DLC1: variants seen among roughly 807,000 people sequenced by gnomAD.
The protein encoded by DLC1 is rho GTPase-activating protein 7.
DLC1 carries 54 observed loss-of-function variants against 140.3 expected under a neutral mutation model. The ratio of observed to expected loss-of-function variants is 0.38; its 90% CI spans 0.31 to 0.48. The LOEUF (loss-of-function observed/expected upper bound fraction) is 0.48, where lower values mean the gene tolerates loss of function less well. Among genes scored for constraint, DLC1 ranks in the 20% least tolerant of loss-of-function variants. The pLI is 0.96. For synonymous variants in DLC1, 986 were observed against 728.1 expected (o/e 1.35, Z -5.70); for missense variants, 2,536 against 1,907.0 (o/e 1.33, Z -6.14).
intron 1 of DLC1, among the ~76,000 whole-genome samples, chr8:13,509,707 G>C (rs1802266710): frequency 6.6e-6 from 1 of 152,070 alleles, no homozygotes; most frequent in Non-Finnish European, 1.5e-5. Flanking sequence ...AATTTGATAG[G>C]GAAGAATTTT....
intron 1 of DLC1, among the ~76,000 whole-genome samples, chr8:13,577,341 C>A (rs765262776): frequency 2.0e-5 from 3 of 152,040 alleles, no homozygotes; most frequent in Non-Finnish European, 4.4e-5. Context: ...GCTTATTATG[C>A]GATGGGTCAG....
chr8:13,359,043 A>G (rs1406129374), intron 4 of DLC1, among the ~76,000 whole-genome samples: 2 of 152,116 alleles, frequency 1.3e-5, no homozygotes, highest in Admixed American at 6.5e-5. Context: ...GGTTCACGCC[A>G]TTCTCCTGCC....
At chr8:13,173,388 T>TA (rs1825591287) in intron 5 of DLC1, among the ~76,000 whole-genome samples, 1 of 148,608 alleles carries the variant, frequency 6.7e-6, no homozygotes, top group Non-Finnish European at 1.5e-5. Flanking sequence ...TTTTTTTTTT[T>TA]TTGAGACGGA....
chr8:13,559,790 G>A (rs1325932990), intron 1 of DLC1, among the ~76,000 whole-genome samples: 2 of 152,068 alleles, frequency 1.3e-5, no homozygotes, highest in African/African-American at 4.8e-5. Context: ...ACATTTCTGT[G>A]TTCGTTTTAT....
chr8:13,457,474 C>T (rs532343252), intron 2 of DLC1, among the ~76,000 whole-genome samples: 41 of 151,906 alleles, frequency 2.7e-4, no homozygotes, highest in African/African-American at 9.4e-4. Flanking sequence ...GTCAAGAAAT[C>T]AAGACCATCC....
Position 13,099,585 on chromosome 8 carries a change from G to C in DLC1, c.2752C>G (p.Arg918Gly). ...DILYHVKGMQ[R>G]IVNQWSEKFS... ...TTCTCCGACCACTGATTGACTATCC[G>C]CTGCATCCCCTTCACGTGGTAGAGG... is the stretch of plus-strand genomic sequence containing the variant. The change falls in exon 9 of 18, where the codon CGG becomes GGG. Residue 918 changes from arginine to glycine, a missense_variant. Coordinates refer to ENST00000276297, the MANE Select transcript of DLC1 (RefSeq NM_182643.3). 1 of 1,614,182 alleles carries C rather than the reference G, an allele frequency of 6.2e-7. No homozygotes were observed. Among genetic ancestry groups the C allele is most frequent in the Non-Finnish European group, 8.5e-7 (1 of 1,180,024 alleles).
At chr8:13,129,465 C>T (rs1055295351) in intron 5 of DLC1, among the ~76,000 whole-genome samples, 3 of 152,182 alleles carry the variant, frequency 2.0e-5, no homozygotes, top group African/African-American at 2.4e-5. Context: ...TCTTGAATGA[C>T]GTACAGATTA....
intron 4 of DLC1, among the ~76,000 whole-genome samples, chr8:13,383,393 A>T (rs902972637): frequency 5.9e-5 from 9 of 152,122 alleles, no homozygotes; most frequent in African/African-American, 9.7e-5. Context: ...ACTATACCGG[A>T]GGGGCTGTGC....
intron 1 of DLC1, among the ~76,000 whole-genome samples, chr8:13,530,907 G>T (rs1015862841): frequency 1.3e-5 from 2 of 152,146 alleles, no homozygotes; most frequent in African/African-American, 4.8e-5. Context: ...GAGCTAAATT[G>T]TGTTCCCTGC....
intron 5 of DLC1, among the ~76,000 whole-genome samples, chr8:13,174,067 C>T (rs1179971537): frequency 6.6e-6 from 1 of 152,100 alleles, no homozygotes; most frequent in Non-Finnish European, 1.5e-5. Context: ...TTTACGTCCA[C>T]ATGTACCCAA....
At chr8:13,419,461 G>C (rs769095999) in intron 2 of DLC1, among the ~76,000 whole-genome samples, 3 of 152,232 alleles carry the variant, frequency 2.0e-5, no homozygotes, top group East Asian at 3.9e-4. Flanking sequence ...TTCTGCATAT[G>C]TTGAGATAAT....
chr8:13,540,067 G>C (rs982167908), intron 1 of DLC1, among the ~76,000 whole-genome samples: 1 of 152,112 alleles, frequency 6.6e-6, no homozygotes, highest in Non-Finnish European at 1.5e-5. Context: ...AAACCTAGTC[G>C]CAAAAGACTT....
intron 4 of DLC1, among the ~76,000 whole-genome samples, chr8:13,372,540 T>C (rs1835773897): frequency 6.6e-6 from 1 of 152,186 alleles, no homozygotes; most frequent in Non-Finnish European, 1.5e-5. Context: ...TTTAAGTGTT[T>C]GCATTCATCA....
In DLC1 at chr8:13,497,348, A is replaced by G. The variant is rs570061585; in HGVS notation, c.1023+1701T>C. Among the ~76,000 whole-genome samples, 5 of 152,336 alleles carry G rather than the reference A, an allele frequency of 3.3e-5. No homozygotes were observed. The East Asian group carries it at 7.7e-4, about 23-fold the overall frequency. On this transcript the variant is annotated intron_variant, in intron 2 of 17. Transcript: ENST00000276297. ...TCACATAATTGTAGTTTTCTAGGAT[A>G]AATTCCCAACCTAAAAGTTTTCATT...
intron 5 of DLC1, among the ~76,000 whole-genome samples, chr8:13,124,095 T>C (rs925452891): frequency 6.6e-6 from 1 of 152,246 alleles, no homozygotes; most frequent in Non-Finnish European, 1.5e-5. Context: ...TGCTGTGTTA[T>C]ATACCAATGT....
chr8:13,552,305 A>C (rs999996886), intron 1 of DLC1, among the ~76,000 whole-genome samples: 2 of 149,530 alleles, frequency 1.3e-5, no homozygotes, highest in African/African-American at 4.9e-5. Context: ...AATAATTCTA[A>C]AGGAAGCATA....
chr8:13,396,799 T>C (rs1837062426), intron 3 of DLC1, among the ~76,000 whole-genome samples: 1 of 152,178 alleles, frequency 6.6e-6, no homozygotes, highest in Non-Finnish European at 1.5e-5. Context: ...CTGTTCAATT[T>C]GAGAAATTAC....
In DLC1 at chr8:13,090,385, C is replaced by T. The variant is rs1189200734; in HGVS notation, c.3941G>A (p.Gly1314Asp). The change falls in exon 15 of 18, where the codon GGT becomes GAT. Residue 1314 changes from glycine to aspartate, a missense_variant. Physicochemically the swap from Gly to Asp is moderately conservative, Grantham distance 94. Coordinates refer to ENST00000276297, the MANE Select transcript of DLC1 (RefSeq NM_182643.3). The part of the protein sequence containing the change: ...PLTLEALGHL[G>D]NDDSADYQHF... ...TTGGTAGTCAGCTGAGTCATCATTA[C>T]CCAGGTGCCCGAGTGCTTCCAGAGT... is the stretch of plus-strand genomic sequence containing the variant. 4 of 1,614,200 alleles carry T rather than the reference C, an allele frequency of 2.5e-6. No individual in the cohort carries two copies. The South Asian group carries it at 3.3e-5, about 13-fold the overall frequency.
chr8:13,600,476 A>G (rs1477319334), intron 1 of DLC1, among the ~76,000 whole-genome samples: 1 of 151,886 alleles, frequency 6.6e-6, no homozygotes, highest in East Asian at 1.9e-4. Flanking sequence ...AGGAAACTTT[A>G]AAATAATGCA....
Sources: gnomAD v4.1 joint callset for allele counts (sites outside exome capture counted in the v4.1 genomes callset) on GRCh38, gnomAD v4.1.1 for gene constraint, MANE v1.5 for transcripts, NCBI Gene and HGNC (gene_info 2026-07-23, HGNC 2026-07-21) for gene names.